The following RAPGEF2 variants were observed in gnomAD, a reference collection of about 807,000 sequenced individuals.
RAPGEF2 encodes PDZ domain containing guanine nucleotide exchange factor (GEF) 1.
RAPGEF2 carries 54 observed loss-of-function variants against 186.7 expected under a neutral mutation model. The ratio of observed to expected loss-of-function variants is 0.29; its 90% CI spans 0.23 to 0.36. The LOEUF (loss-of-function observed/expected upper bound fraction) is 0.36. RAPGEF2 is among the 10% of genes least tolerant of loss of function. RAPGEF2 has a pLI of 1.00. For missense variants in RAPGEF2, 1,532 were observed against 2,045.0 expected (o/e 0.75, Z 4.84); for synonymous variants, 712 against 705.9 (o/e 1.01, Z -0.14).
At chr4:159,301,027 CT>C (rs1201016089) in intron 7 of RAPGEF2, among the ~76,000 whole-genome samples, 3 of 152,100 alleles carry the variant, frequency 2.0e-5, no homozygotes, top group African/African-American at 7.2e-5. Context: ...ATGGGAACAC[CT>C]TTTATAACAT....
At position 159,332,402 on chromosome 4, in the gene RAPGEF2, A is replaced by ATATC. The variant is rs1258943193; in HGVS notation, c.1889-47_1889-44dup. Reference sequence around the variant, plus strand: ...CCACAATTGCCTTAGAATTGTTCAGATATCTTATAATTGCCATTACGTGGT... The same window carrying ATATC: ...CCACAATTGCCTTAGAATTGTTCAGATATCTATCTTATAATTGCCATTACGTGGT... On this transcript the variant is annotated intron_variant, in intron 16 of 29. Transcript: ENST00000691494. 4.5e-6 allele frequency: 7 copies of ATATC among 1,559,968 alleles called. 1 individual carries two copies. The South Asian group carries it at 7.0e-5, about 16-fold the overall frequency.
intron 23 of RAPGEF2, 45 bp downstream of exon 23, chr4:159,344,104 G>A (rs1210392961): frequency 2.0e-6 from 3 of 1,514,916 alleles, no homozygotes; most frequent in Non-Finnish European, 2.7e-6. Context: ...TTCTTATTCT[G>A]CTCATTGCAT....
At chr4:159,144,905 T>G (rs1283411292) in intron 1 of RAPGEF2, among the ~76,000 whole-genome samples, 8 of 85,722 alleles carry the variant, frequency 9.3e-5, no homozygotes, top group African/African-American at 2.8e-4. Flanking sequence ...TTTTTTTTTT[T>G]GAGACAGTGT....
chr4:159,288,994 C>T (rs1347996575), intron 7 of RAPGEF2, among the ~76,000 whole-genome samples: 1 of 152,166 alleles, frequency 6.6e-6, no homozygotes, highest in Non-Finnish European at 1.5e-5. Flanking sequence ...CCAGCCATCA[C>T]CATCTATTAC....
At chr4:159,112,990 C>T (rs1300881957) in intron 1 of RAPGEF2, among the ~76,000 whole-genome samples, 2 of 152,150 alleles carry the variant, frequency 1.3e-5, no homozygotes, top group Non-Finnish European at 2.9e-5. Flanking sequence ...AAAGAGATAT[C>T]TCTGGTATTC....
At chr4:159,335,109 T>C (rs1224507228) in intron 17 of RAPGEF2, among the ~76,000 whole-genome samples, 1 of 152,074 alleles carries the variant, frequency 6.6e-6, no homozygotes, top group Non-Finnish European at 1.5e-5. Context: ...CTAGATAGAG[T>C]ATACTGTTGA....
intron 9 of RAPGEF2, 152 bp downstream of exon 9, chr4:159,314,920 A>G: frequency 7.1e-6 from 5 of 704,864 alleles, no homozygotes; most frequent in Non-Finnish European, 1.0e-5. Flanking sequence ...TTGGACAAAA[A>G]TTGGAAAAAA....
At chr4:159,315,674 C>G (rs980141000) in intron 9 of RAPGEF2, among the ~76,000 whole-genome samples, 15 of 152,186 alleles carry the variant, frequency 9.9e-5, no homozygotes, top group African/African-American at 3.6e-4. Context: ...ACTTGGGTCA[C>G]GTGTCCACTG....
intron 7 of RAPGEF2, among the ~76,000 whole-genome samples, chr4:159,281,671 CAAAA>C (rs11346544): frequency 2.3e-5 from 2 of 85,192 alleles, no homozygotes; most frequent in Non-Finnish European, 4.5e-5. Context: ...AACTTGATTT[CAAAA>C]AAAAAAAAAA....
At chr4:159,319,590 A>G (rs953482334) in intron 9 of RAPGEF2, among the ~76,000 whole-genome samples, 7 of 152,154 alleles carry the variant, frequency 4.6e-5, no homozygotes, top group African/African-American at 1.7e-4. Context: ...TCTAAAAACC[A>G]GTGATACCAT....
intron 8 of RAPGEF2, among the ~76,000 whole-genome samples, chr4:159,306,787 G>A (rs1207379164): frequency 3.3e-5 from 5 of 152,108 alleles, no homozygotes; most frequent in African/African-American, 1.2e-4. Flanking sequence ...TCTTATTAAA[G>A]TCCATACTGA....
At chr4:159,219,205 A>G (rs1751271165) in intron 4 of RAPGEF2, among the ~76,000 whole-genome samples, 1 of 152,226 alleles carries the variant, frequency 6.6e-6, no homozygotes, top group Non-Finnish European at 1.5e-5. Context: ...TACCCGTATT[A>G]GTTTTACAAA....
chr4:159,186,987 T>A (rs1747623498), intron 2 of RAPGEF2, among the ~76,000 whole-genome samples: 1 of 152,164 alleles, frequency 6.6e-6, no homozygotes, highest in African/African-American at 2.4e-5. Context: ...CAAATTGTTG[T>A]TAATGATATT....
chr4:159,337,621 G>A (rs1767608850), intron 17 of RAPGEF2, among the ~76,000 whole-genome samples: 1 of 151,816 alleles, frequency 6.6e-6, no homozygotes, highest in South Asian at 2.1e-4. Flanking sequence ...CGGGCGTGGT[G>A]GCTCACGCCT....
At chr4:159,142,614 T>C (rs983191105) in intron 1 of RAPGEF2, among the ~76,000 whole-genome samples, 6 of 151,658 alleles carry the variant, frequency 4.0e-5, no homozygotes, top group African/African-American at 1.2e-4. Context: ...ATAAACAAAA[T>C]AAATGTAAAT....
intron 1 of RAPGEF2, among the ~76,000 whole-genome samples, chr4:159,107,411 A>C (rs1022910863): frequency 6.6e-6 from 1 of 152,164 alleles, no homozygotes; most frequent in African/African-American, 2.4e-5. Flanking sequence ...TAACTTGTTG[A>C]GTTCAGGCCC....
At position 159,117,580 on chromosome 4, in the gene RAPGEF2, TG is replaced by T. The variant is rs535237577; in HGVS notation, c.69+13352del. ...CCTACTTTATATATTCTGCGATGGT[TG>T]GGTTTTTTTTTTTTCGTAGTTACAA... On this transcript the variant is annotated intron_variant, in intron 1 of 29. Transcript: ENST00000691494. Among the ~76,000 whole-genome samples the T allele has an allele frequency of 2.7e-3, 407 of 152,000 alleles. 1 individual carries two copies. Among genetic ancestry groups the T allele is most frequent in the African/African-American group, 9.2e-3 (380 of 41,408 alleles).
intron 7 of RAPGEF2, among the ~76,000 whole-genome samples, chr4:159,279,575 G>C: frequency 6.6e-6 from 1 of 152,166 alleles, no homozygotes; most frequent in East Asian, 1.9e-4. Context: ...GGAAATAAAA[G>C]CAGTATATTT....
chr4:159,221,409 A>G (rs1301454859), intron 4 of RAPGEF2, among the ~76,000 whole-genome samples: 1 of 152,216 alleles, frequency 6.6e-6, no homozygotes. Flanking sequence ...TACCTTTTCC[A>G]TTCAAGACAG....
Sources: gnomAD v4.1 joint callset for allele counts (sites outside exome capture counted in the v4.1 genomes callset) on GRCh38, gnomAD v4.1.1 for gene constraint, MANE v1.5 for transcripts, NCBI Gene and HGNC (gene_info 2026-07-23, HGNC 2026-07-21) for gene names.